GALNT16: variants seen among roughly 807,000 people sequenced by gnomAD.
The protein encoded by GALNT16 is UDP-GalNAc:polypeptide N-acetylgalactosaminyltransferase-like protein 1.
GALNT16 carries 40 observed loss-of-function variants against 76.1 expected under a neutral mutation model. The observed-to-expected ratio is 0.53, with a 90% CI of 0.41 to 0.68. GALNT16 has a LOEUF of 0.68. GALNT16 is among the 30% of genes least tolerant of loss of function. The pLI is 0.00. For synonymous variants in GALNT16, 276 were observed against 285.2 expected, an observed-to-expected ratio of 0.97 and a Z score of 0.32; for missense variants, 621 against 731.9, an observed-to-expected ratio of 0.85 and a Z score of 1.75.
chr14:69,272,249 G>A (rs1401566611), intron 1 of GALNT16, among the ~76,000 whole-genome samples: 1 of 152,142 alleles, frequency 6.6e-6, no homozygotes, highest in East Asian at 1.9e-4. Flanking sequence ...TGTAATCCCA[G>A]CTACTCAGGA....
chr14:69,322,979 T>TGA (rs759883041), intron 2 of GALNT16, among the ~76,000 whole-genome samples: 1 of 31,760 alleles, frequency 3.1e-5, no homozygotes. Flanking sequence ...TGTGTGTGTG[T>TGA]GTGCGCGCGC....
At chr14:69,362,161 G>A in the GALNT16 span, among the ~76,000 whole-genome samples, 1 of 152,226 alleles carries the variant, frequency 6.6e-6, no homozygotes, top group Non-Finnish European at 1.5e-5. Context: ...TCGGGAGGGT[G>A]AGACCCCTGA....
chr14:69,355,172 C>A (rs955278726), downstream of GALNT16: 2 of 152,246 alleles, frequency 1.3e-5, no homozygotes, highest in Non-Finnish European at 2.9e-5. Context: ...CTCTCCTGGA[C>A]GCAACCATTT....
chr14:69,297,238 C>T (rs1039770673), intron 1 of GALNT16, among the ~76,000 whole-genome samples: 6 of 152,182 alleles, frequency 3.9e-5, no homozygotes, highest in East Asian at 1.9e-4. Flanking sequence ...GCGGTCGTAT[C>T]GATTGACACT....
intron 1 of GALNT16, among the ~76,000 whole-genome samples, chr14:69,298,046 A>G (rs987642840): frequency 6.6e-6 from 1 of 152,360 alleles, no homozygotes; most frequent in African/African-American, 2.4e-5. Flanking sequence ...TGAAAAAACT[A>G]AGGTTTGAAC....
chr14:69,298,227 C>T (rs949945076), intron 1 of GALNT16, among the ~76,000 whole-genome samples: 1 of 152,208 alleles, frequency 6.6e-6, no homozygotes, highest in Non-Finnish European at 1.5e-5. Flanking sequence ...TTCCTGATGC[C>T]CCCCTCTTTC....
chr14:69,299,378 A>G (rs539715731), intron 1 of GALNT16, among the ~76,000 whole-genome samples: 84 of 152,316 alleles, frequency 5.5e-4, no homozygotes, highest in Non-Finnish European at 8.8e-5. Flanking sequence ...GGAGGTTTGC[A>G]TGCAGCAAGT....
the GALNT16 span, among the ~76,000 whole-genome samples, chr14:69,383,881 C>T: frequency 6.6e-6 from 1 of 152,150 alleles, no homozygotes; most frequent in East Asian, 1.9e-4. Flanking sequence ...GGCACAGTTG[C>T]TCATGCCTGT....
At chr14:69,285,038 C>CTTTTTTTTTTTTTTTTTT in intron 1 of GALNT16, among the ~76,000 whole-genome samples, 1 of 130,460 alleles carries the variant, frequency 7.7e-6, no homozygotes. Context: ...GTCTCGGGCA[C>CTTTTTTTTTTTTTTTTTT]TCTTTTTTTT....
chr14:69,333,688 C>T lies in GALNT16; in HGVS notation c.967+88C>T. 1.3e-6 allele frequency: 1 copy of T among 745,970 alleles called. No individual in the cohort carries two copies. Among genetic ancestry groups the T allele is most frequent in the East Asian group, 2.5e-5 (1 of 40,410 alleles). 46.2% of individuals were successfully genotyped at this position (745,970 alleles called of 1,614,324 possible). A position where few individuals can be genotyped will look rare whatever the true frequency, so the allele number is the denominator to read the frequency against. On this transcript the variant is annotated intron_variant, in intron 9 of 14. Coordinates refer to ENST00000448469, the MANE Select transcript of GALNT16 (RefSeq NM_001168368.2). The surrounding 1 kb of genome is among the most constrained non-coding windows in gnomAD (Gnocchi z 4.2). ...CAGAGCACTTTCTATGCGTGAGGACCTGCTCTAAGGACTTTACACACATGA... is the reference window on the plus strand; with the variant it reads ...CAGAGCACTTTCTATGCGTGAGGACTTGCTCTAAGGACTTTACACACATGA...
At chr14:69,286,060 C>A (rs1317166428) in intron 1 of GALNT16, among the ~76,000 whole-genome samples, 1 of 152,142 alleles carries the variant, frequency 6.6e-6, no homozygotes, top group Non-Finnish European at 1.5e-5. Flanking sequence ...TTAACCAGCA[C>A]CTGGCTGGCT....
chr14:69,351,845 G>A (rs994735269), intron 14 of GALNT16, 186 bp from the exon 15 acceptor site: 2 of 545,682 alleles, frequency 3.7e-6, no homozygotes, highest in Non-Finnish European at 6.4e-6. Flanking sequence ...TCAGGAGTTC[G>A]AGGCTGCAGT....
At chr14:69,295,288 G>A (rs762878951) in intron 1 of GALNT16, among the ~76,000 whole-genome samples, 3 of 151,750 alleles carry the variant, frequency 2.0e-5, no homozygotes, top group African/African-American at 7.3e-5. Context: ...GGTGGCGCAT[G>A]CCTATAGTAC....
Position 69,264,819 on chromosome 14 carries a change from C to CTTTTTTTTTTT in GALNT16, c.177+4353_177+4363dup, listed in dbSNP as rs60818532. Among the ~76,000 whole-genome samples, 18 of 96,574 alleles carry CTTTTTTTTTTT rather than the reference C, an allele frequency of 1.9e-4. 5 individuals are homozygous for CTTTTTTTTTTT. In the East Asian group the frequency reaches 6.0e-3, roughly 32 times the overall value. The allele number at this position is 96,574 out of a possible 152,430, so 63.4% of individuals were successfully genotyped here. On this transcript the variant is annotated intron_variant, in intron 1 of 14. Transcript: ENST00000448469. ...TTTATTTTCTCTTTTCTTTTTCTTT[C>CTTTTTTTTTTT]TTTTTTTTTTTGGACACAGGGTCTC...
At chr14:69,294,557 G>A (rs1040754566) in intron 1 of GALNT16, among the ~76,000 whole-genome samples, 3 of 152,078 alleles carry the variant, frequency 2.0e-5, no homozygotes, top group Non-Finnish European at 2.9e-5. Flanking sequence ...AGTTTGGAAC[G>A]TTTCTGTTAT....
intron 2 of GALNT16, among the ~76,000 whole-genome samples, chr14:69,323,911 G>A (rs956381131): frequency 2.0e-5 from 3 of 152,108 alleles, no homozygotes; most frequent in African/African-American, 4.8e-5. Flanking sequence ...AACCAGCAAC[G>A]GAGGCCACCT....
chr14:69,322,926 G>GGT (rs771903377), intron 2 of GALNT16, among the ~76,000 whole-genome samples: 2 of 27,726 alleles, frequency 7.2e-5, no homozygotes, highest in African/African-American at 2.9e-4. Context: ...GGCTCACGGG[G>GGT]TGTGTGTGTG....
rs1330362212 is a variant in GALNT16, at chr14:69,353,262, C to G, written c.*1094C>G. On this transcript the variant is annotated 3_prime_UTR_variant, in exon 15 of 15. Transcript: ENST00000448469. The stretch of plus-strand genomic sequence containing the variant: ...ATTAGGGTTCAACCTCACCCTTATT[C>G]CCCTCCCCGCTACAGGAGCCCCTAA... The G allele has an allele frequency of 6.6e-6, 1 of 152,004 alleles. No homozygotes were observed. Among genetic ancestry groups the G allele is most frequent in the Non-Finnish European group, 1.5e-5 (1 of 68,034 alleles). 9.4% of individuals were successfully genotyped at this position (152,004 alleles called of 1,614,324 possible). A position where few individuals can be genotyped will look rare whatever the true frequency, so the allele number is the denominator to read the frequency against.
At chr14:69,273,766 T>G (rs7150195) in intron 1 of GALNT16, among the ~76,000 whole-genome samples, 113,598 of 152,146 alleles carry the variant, frequency 0.75, 44,082 homozygotes, top group East Asian at 1. Context: ...ATATTTGGTG[T>G]AGGTGAGCTT....
Sources: gnomAD v4.1 joint callset for allele counts (sites outside exome capture counted in the v4.1 genomes callset) on GRCh38, gnomAD v4.1.1 for gene constraint, Gnocchi (gnomAD v3.1) non-coding constraint, MANE v1.5 for transcripts, NCBI Gene and HGNC (gene_info 2026-07-23, HGNC 2026-07-21) for gene names.